CDC42BPA: variants seen among roughly 807,000 people sequenced by gnomAD.
CDC42BPA encodes serine/threonine-protein kinase MRCK alpha.
A neutral mutation model predicts 223.5 loss-of-function variants in CDC42BPA; 80 were observed. That is an observed-to-expected ratio of 0.36 (90% CI 0.30 to 0.43). CDC42BPA has a LOEUF of 0.43. Among genes scored for constraint, CDC42BPA ranks in the 20% least tolerant of loss-of-function variants. The pLI is 1.00. For missense variants in CDC42BPA, 1,743 were observed against 2,099.9 expected, an observed-to-expected ratio of 0.83 and a Z score of 3.32; for synonymous variants, 694 against 718.6, an observed-to-expected ratio of 0.97 and a Z score of 0.55.
At chr1:227,224,633 G>GA (rs1050751101) in intron 2 of CDC42BPA, among the ~76,000 whole-genome samples, 15 of 151,474 alleles carry the variant, frequency 9.9e-5, no homozygotes, top group African/African-American at 2.9e-4. Context: ...GTACTTAAAA[G>GA]AAAAAAAATA....
At chr1:227,072,105 G>T in intron 20 of CDC42BPA, 103 bp downstream of exon 20, 1 of 645,930 alleles carries the variant, frequency 1.5e-6, no homozygotes, top group Non-Finnish European at 2.7e-6. Context: ...AATTGCTTAT[G>T]TCAACAATTC....
At chr1:227,000,158 G>A (rs1388159215) in intron 35 of CDC42BPA, among the ~76,000 whole-genome samples, 2 of 151,474 alleles carry the variant, frequency 1.3e-5, no homozygotes, top group Non-Finnish European at 2.9e-5. Flanking sequence ...GATTCCAGAA[G>A]GCCCCTCGGA....
At chr1:227,061,480 G>T (rs745815875) in intron 21 of CDC42BPA, among the ~76,000 whole-genome samples, 4 of 152,170 alleles carry the variant, frequency 2.6e-5, no homozygotes, top group Non-Finnish European at 5.9e-5. Context: ...TTAAGTGGTA[G>T]AGCCAGGATT....
At chr1:227,250,349 A>G (rs1225484104) in intron 2 of CDC42BPA, among the ~76,000 whole-genome samples, 2 of 152,066 alleles carry the variant, frequency 1.3e-5, no homozygotes, top group Non-Finnish European at 2.9e-5. Flanking sequence ...CTAGCCAGGC[A>G]TGGTAGTGGG....
chr1:227,304,650 A>G (rs1043524421), intron 1 of CDC42BPA, among the ~76,000 whole-genome samples: 3 of 152,198 alleles, frequency 2.0e-5, no homozygotes, highest in African/African-American at 4.8e-5. Flanking sequence ...TACATTACCA[A>G]ATGTCTCCTA....
rs575921235 is a variant in CDC42BPA, at chr1:227,171,776, T to C, written c.600-11140A>G. ...CGGATACGACATTAGTTAATCTATA[T>C]AGTTTCAATTCTGGCTGGACACTGA... is the stretch of plus-strand genomic sequence containing the variant. On this transcript the variant is annotated intron_variant, in intron 5 of 36. Coordinates refer to ENST00000366766, the MANE Select transcript of CDC42BPA (RefSeq NM_001394014.1). Among the ~76,000 whole-genome samples, 9 of 152,292 alleles carry C rather than the reference T, an allele frequency of 5.9e-5. No homozygotes were observed. In the South Asian group the frequency reaches 1.7e-3, roughly 28 times the overall value.
Position 227,257,753 on chromosome 1 carries a change from C to CAA in CDC42BPA, c.179-3600_179-3599dup, listed in dbSNP as rs150973701. Among the ~76,000 whole-genome samples the CAA allele has an allele frequency of 6.4e-5, 9 of 140,214 alleles. No homozygotes were observed. In the East Asian group the frequency reaches 1.0e-3, roughly 16 times the overall value. 92.0% of individuals were successfully genotyped at this position (140,214 alleles called of 152,430 possible). A position where few individuals can be genotyped will look rare whatever the true frequency, so the allele number is the denominator to read the frequency against. On this transcript the variant is annotated intron_variant, in intron 1 of 36. Coordinates refer to ENST00000366766, the MANE Select transcript of CDC42BPA (RefSeq NM_001394014.1). ...TGGGCGATTGAGTGAGACTCTGTCT[C>CAA]AAAAAAAAAAGGAAGAAAACTTTTT...
At chr1:227,232,830 G>A (rs1479026096) in intron 2 of CDC42BPA, among the ~76,000 whole-genome samples, 2 of 152,216 alleles carry the variant, frequency 1.3e-5, no homozygotes, top group African/African-American at 4.8e-5. Context: ...CCTACTGGGA[G>A]GTGTCTCCCA....
At chr1:227,238,191 T>C (rs1425659541) in intron 2 of CDC42BPA, among the ~76,000 whole-genome samples, 1 of 80,058 alleles carries the variant, frequency 1.2e-5, no homozygotes, top group Non-Finnish European at 2.7e-5. Flanking sequence ...CCATCTCTAT[T>C]TTTTTTTTTA....
At chr1:227,040,059 T>C (rs1671064283) in intron 24 of CDC42BPA, 72 bp downstream of exon 24, 3 of 954,328 alleles carry the variant, frequency 3.1e-6, no homozygotes, top group South Asian at 1.3e-5. Context: ...TTATACACCT[T>C]TGAAAGAGAA....
At chr1:227,169,597 C>T (rs1003214533) in intron 5 of CDC42BPA, among the ~76,000 whole-genome samples, 2 of 152,172 alleles carry the variant, frequency 1.3e-5, no homozygotes, top group Non-Finnish European at 2.9e-5. Context: ...TCAGCTTTCA[C>T]AGGCCATAGA....
At position 227,017,036 on chromosome 1, in the gene CDC42BPA, C is replaced by G; in HGVS notation, c.4630G>C (p.Val1544Leu). The G allele has an allele frequency of 1.2e-6, 2 of 1,610,582 alleles. No individual in the cohort carries two copies. The highest frequency in any genetic ancestry group is 1.7e-6 in the Non-Finnish European group (2 of 1,178,460). The change falls in exon 33 of 37, where the codon GTA becomes CTA. Residue 1544 changes from valine to leucine, a missense_variant. Around this residue, in one of 6 missense-constraint regions of CDC42BPA, gnomAD observed 678 missense variants for 777.5 expected, o/e 0.87. Coordinates refer to ENST00000366766, the MANE Select transcript of CDC42BPA (RefSeq NM_001394014.1). ...CTATTATCTGATGTTTCAGGTACTA[C>G]CAGTTCGTCCCCTTCTGTTAAAATA... is the stretch of plus-strand genomic sequence containing the variant. ...KNKMAEGDEL[V>L]VPETSDNSRK...
intron 21 of CDC42BPA, among the ~76,000 whole-genome samples, chr1:227,067,938 C>A (rs1677452236): frequency 6.6e-6 from 1 of 152,044 alleles, no homozygotes; most frequent in South Asian, 2.1e-4. Context: ...ACAAGAATTA[C>A]TGTGCATTTA....
At chr1:227,214,751 G>C (rs1159242326) in intron 2 of CDC42BPA, among the ~76,000 whole-genome samples, 1 of 152,148 alleles carries the variant, frequency 6.6e-6, no homozygotes, top group Non-Finnish European at 1.5e-5. Flanking sequence ...GTCACAGTGT[G>C]AGAAAAGTAC....
At chr1:227,288,283 G>C (rs1040775573) in intron 1 of CDC42BPA, among the ~76,000 whole-genome samples, 8 of 152,162 alleles carry the variant, frequency 5.3e-5, no homozygotes, top group Non-Finnish European at 1.0e-4. Context: ...GCAGAGGTGG[G>C]AGGATCACTT....
At chr1:227,104,860 A>T (rs1417684426) in intron 14 of CDC42BPA, among the ~76,000 whole-genome samples, 1 of 152,104 alleles carries the variant, frequency 6.6e-6, no homozygotes, top group Non-Finnish European at 1.5e-5. Flanking sequence ...CAATATCTTG[A>T]TTTTGAACTT....
chr1:227,060,176 T>C (rs112072745), intron 21 of CDC42BPA, among the ~76,000 whole-genome samples: 42,889 of 151,434 alleles, frequency 0.28, 6,288 homozygotes, highest in African/African-American at 0.35. Context: ...GGATTACAGG[T>C]GCCCACCACC....
intron 21 of CDC42BPA, among the ~76,000 whole-genome samples, chr1:227,062,231 G>A (rs998705634): frequency 1.3e-5 from 2 of 152,026 alleles, no homozygotes; most frequent in Non-Finnish European, 2.9e-5. Context: ...CCACAATCCC[G>A]TAACTCCCTG....
intron 1 of CDC42BPA, among the ~76,000 whole-genome samples, chr1:227,290,601 T>G (rs555403316): frequency 3.3e-5 from 5 of 152,242 alleles, no homozygotes; most frequent in African/African-American, 9.6e-5. Context: ...CCAAGATTCA[T>G]ATTGGTTTCC....
Sources: gnomAD v4.1 joint callset for allele counts (sites outside exome capture counted in the v4.1 genomes callset) on GRCh38, gnomAD v4.1.1 for gene constraint, gnomAD v4.1.1 regional missense constraint, MANE v1.5 for transcripts, NCBI Gene and HGNC (gene_info 2026-07-23, HGNC 2026-07-21) for gene names.